Variants in HTR1F observed in about 807,000 individuals in gnomAD.
The protein encoded by HTR1F is 5-hydroxytryptamine (serotonin) receptor 1F, G protein-coupled.
HTR1F carries 17 observed loss-of-function variants against 24.0 expected under a neutral mutation model. That is an observed-to-expected ratio of 0.71 (90% CI 0.48 to 1.06). The LOEUF (loss-of-function observed/expected upper bound fraction) is 1.06, where lower values mean the gene tolerates loss of function less well. HTR1F is among the 50% of genes least tolerant of loss of function. HTR1F has a pLI of 0.00. For synonymous variants in HTR1F, 186 were observed against 156.8 expected (o/e 1.19, Z -1.39); for missense variants, 391 against 427.8 (o/e 0.91, Z 0.76).
intron 2 of HTR1F, among the ~76,000 whole-genome samples, chr3:87,911,202 A>G (rs1401267147): frequency 6.6e-6 from 1 of 152,098 alleles, no homozygotes; most frequent in Non-Finnish European, 1.5e-5. Flanking sequence ...GCAAAAAATA[A>G]CAAGATAGTC....
At chr3:87,923,703 TA>T (rs1704061536) in intron 2 of HTR1F, among the ~76,000 whole-genome samples, 1 of 152,050 alleles carries the variant, frequency 6.6e-6, no homozygotes, top group Non-Finnish European at 1.5e-5. Flanking sequence ...GTTTTTATAA[TA>T]AAAAGATATT....
intron 2 of HTR1F, among the ~76,000 whole-genome samples, chr3:87,867,654 G>C (rs1199598156): frequency 6.6e-6 from 1 of 152,150 alleles, no homozygotes; most frequent in Non-Finnish European, 1.5e-5. Flanking sequence ...CTGCTATTCA[G>C]TGAAAATCTG....
chr3:87,824,019 C>G (rs1484389057), intron 2 of HTR1F, among the ~76,000 whole-genome samples: 1 of 150,158 alleles, frequency 6.7e-6, no homozygotes, highest in South Asian at 2.1e-4. Context: ...ATCGCACCAG[C>G]CTGGCGACAG....
intron 2 of HTR1F, among the ~76,000 whole-genome samples, chr3:87,839,687 C>T (rs1474751457): frequency 6.6e-6 from 1 of 151,792 alleles, no homozygotes; most frequent in East Asian, 1.9e-4. Flanking sequence ...TTGTGTGATG[C>T]TGAGGTTTGG....
intron 2 of HTR1F, among the ~76,000 whole-genome samples, chr3:87,986,443 G>A (rs1455512749): frequency 6.6e-6 from 1 of 152,138 alleles, no homozygotes; most frequent in South Asian, 2.1e-4. Flanking sequence ...GATAAATTTT[G>A]TCATATAATT....
At chr3:87,936,432 A>G (rs1704416849) in intron 2 of HTR1F, among the ~76,000 whole-genome samples, 1 of 152,162 alleles carries the variant, frequency 6.6e-6, no homozygotes, top group African/African-American at 2.4e-5. Context: ...CTGCTTTAGG[A>G]TTTATCTTTT....
intron 2 of HTR1F, among the ~76,000 whole-genome samples, chr3:87,903,403 T>A (rs1257687210): frequency 6.6e-6 from 1 of 151,966 alleles, no homozygotes; most frequent in Non-Finnish European, 1.5e-5. Context: ...ATCCAGAATC[T>A]ACAATGAACT....
At chr3:87,823,214 A>C (rs986480026) in intron 2 of HTR1F, among the ~76,000 whole-genome samples, 2 of 152,164 alleles carry the variant, frequency 1.3e-5, no homozygotes, top group Admixed American at 6.5e-5. Flanking sequence ...GTCTATTGCA[A>C]ATTTTGTAAC....
chr3:87,865,100 CT>C (rs1705398320), intron 2 of HTR1F, among the ~76,000 whole-genome samples: 1 of 151,960 alleles, frequency 6.6e-6, no homozygotes, highest in Admixed American at 6.6e-5. Flanking sequence ...AAGGGTTGAT[CT>C]GAGTTATTTA....
intron 2 of HTR1F, among the ~76,000 whole-genome samples, chr3:87,894,762 T>C (rs1177961152): frequency 2.6e-5 from 4 of 152,040 alleles, no homozygotes; most frequent in African/African-American, 2.4e-5. Flanking sequence ...TTTCCTTTAC[T>C]GTAAAATGGG....
intron 2 of HTR1F, among the ~76,000 whole-genome samples, chr3:87,882,989 C>G (rs1705842907): frequency 6.6e-6 from 1 of 152,340 alleles, no homozygotes; most frequent in South Asian, 2.1e-4. Flanking sequence ...GACGGACAGA[C>G]TGCCTCCTCA....
intron 2 of HTR1F, among the ~76,000 whole-genome samples, chr3:87,843,684 C>CT (rs55727089): frequency 0.42 from 56,278 of 135,134 alleles, 15,079 homozygotes; most frequent in African/African-American, 0.79. Flanking sequence ...CCCCCTCCCC[C>CT]ACCCCACAAC....
intron 1 of HTR1F, among the ~76,000 whole-genome samples, chr3:87,814,333 A>C (rs1158020): frequency 0.17 from 26,353 of 152,126 alleles, 2,592 homozygotes; most frequent in East Asian, 0.37. Context: ...ACATTATGGA[A>C]TGGCTACATC....
rs560951945 is a variant in HTR1F at position 87,907,017 on chromosome 3, T to A, written c.-42-83691T>A. On this transcript the variant is annotated intron_variant, in intron 2 of 2. Coordinates refer to ENST00000319595, the MANE Select transcript of HTR1F (RefSeq NM_001322209.2). ...ATATGCATGTGCAACTATCTTTTTT[T>A]ATATAATGACTTCTTTTCCCCTGGG... 6.2e-4 allele frequency among the ~76,000 whole-genome samples: 95 copies of A among 152,152 alleles called. 1 individual carries two copies. In the South Asian group the frequency reaches 8.3e-3, roughly 13 times the overall value.
At chr3:87,920,411 C>T (rs995070425) in intron 2 of HTR1F, among the ~76,000 whole-genome samples, 1 of 151,820 alleles carries the variant, frequency 6.6e-6, no homozygotes, top group African/African-American at 2.4e-5. Context: ...AATAAAAAAA[C>T]AAGCATATCT....
At chr3:87,918,841 C>G (rs566325152) in intron 2 of HTR1F, among the ~76,000 whole-genome samples, 2 of 152,046 alleles carry the variant, frequency 1.3e-5, no homozygotes, top group South Asian at 4.2e-4. Flanking sequence ...ATCAGAATAC[C>G]ACCATCATTC....
intron 2 of HTR1F, among the ~76,000 whole-genome samples, chr3:87,985,059 G>A (rs1705632400): frequency 6.6e-6 from 1 of 152,048 alleles, no homozygotes. Context: ...TTGAGGGCTG[G>A]GCACAGTGGC....
intron 2 of HTR1F, among the ~76,000 whole-genome samples, chr3:87,864,676 A>G (rs1575961178): frequency 6.6e-6 from 1 of 152,096 alleles, no homozygotes; most frequent in African/African-American, 2.4e-5. Context: ...AGGGCAGATC[A>G]CCTGAGGTCA....
At chr3:87,819,169 T>A (rs1704306393) in intron 1 of HTR1F, among the ~76,000 whole-genome samples, 1 of 152,160 alleles carries the variant, frequency 6.6e-6, no homozygotes, top group South Asian at 2.1e-4. Flanking sequence ...AGATTACTGG[T>A]CAAATTATCA....
Sources: gnomAD v4.1 joint callset for allele counts (sites outside exome capture counted in the v4.1 genomes callset) on GRCh38, gnomAD v4.1.1 for gene constraint, MANE v1.5 for transcripts, NCBI Gene and HGNC (gene_info 2026-07-23, HGNC 2026-07-21) for gene names.